Variants in SLC35F1 observed in about 807,000 individuals in gnomAD.
SLC35F1 encodes the protein chromosome 6 open reading frame 169.
A neutral mutation model predicts 48.7 loss-of-function variants in SLC35F1; 14 were observed. The ratio of observed to expected loss-of-function variants is 0.29; its 90% CI spans 0.19 to 0.45. The LOEUF (loss-of-function observed/expected upper bound fraction) is 0.45. Ranked by LOEUF, SLC35F1 falls within the 20% of genes least tolerant of loss-of-function variation. The pLI is 1.00. For synonymous variants in SLC35F1, 190 were observed against 202.2 expected (o/e 0.94, Z 0.51); for missense variants, 404 against 500.0 (o/e 0.81, Z 1.83).
chr6:118,206,290 C>G (rs1370727602), intron 2 of SLC35F1, among the ~76,000 whole-genome samples: 1 of 151,944 alleles, frequency 6.6e-6, no homozygotes, highest in African/African-American at 2.4e-5. Flanking sequence ...TAACTTTTTC[C>G]CTCTTATTAG....
chr6:118,116,655 A>G (rs1185441332), intron 1 of SLC35F1, among the ~76,000 whole-genome samples: 1 of 152,130 alleles, frequency 6.6e-6, no homozygotes, highest in African/African-American at 2.4e-5. Context: ...GAGGAGTTTC[A>G]TTAGGCCCTG....
intron 1 of SLC35F1, among the ~76,000 whole-genome samples, chr6:118,103,955 T>C (rs932631278): frequency 6.6e-6 from 1 of 152,208 alleles, no homozygotes; most frequent in Non-Finnish European, 1.5e-5. Flanking sequence ...TGGCTTCTAG[T>C]AAACTTACAC....
intron 3 of SLC35F1, among the ~76,000 whole-genome samples, chr6:118,261,699 G>C (rs1775714409): frequency 1.3e-5 from 2 of 152,294 alleles, no homozygotes; most frequent in Middle Eastern, 3.4e-3. Context: ...CAGAGAAACA[G>C]AGAAGAGAGT....
chr6:118,261,680 G>A (rs138127167), intron 3 of SLC35F1, among the ~76,000 whole-genome samples: 58 of 152,248 alleles, frequency 3.8e-4, no homozygotes, highest in African/African-American at 1.4e-3. Context: ...GGGTTTTGCA[G>A]GAAAGAGCCA....
intron 1 of SLC35F1, among the ~76,000 whole-genome samples, chr6:118,002,547 A>G: frequency 6.6e-6 from 1 of 151,986 alleles, no homozygotes; most frequent in African/African-American, 2.4e-5. Flanking sequence ...ACATGTATAC[A>G]TATGTAACTA....
Position 118,000,884 on chromosome 6 carries a change from A to G in SLC35F1, c.173+92985A>G, listed in dbSNP as rs375175616. Among the ~76,000 whole-genome samples, 48 of 152,284 alleles carry G rather than the reference A, an allele frequency of 3.2e-4. No homozygotes were observed. The South Asian group carries it at 9.6e-3, about 30-fold the overall frequency. ...AGAGAATAAAATACCTAGGAATCCAACTTACAGGGGACATGAATGACCTCT... is the reference window on the plus strand; with the variant it reads ...AGAGAATAAAATACCTAGGAATCCAGCTTACAGGGGACATGAATGACCTCT... On this transcript the variant is annotated intron_variant, in intron 1 of 7. Coordinates refer to ENST00000360388, the MANE Select transcript of SLC35F1 (RefSeq NM_001029858.4).
intron 2 of SLC35F1, among the ~76,000 whole-genome samples, chr6:118,183,568 A>G (rs992894675): frequency 6.6e-6 from 1 of 152,166 alleles, no homozygotes; most frequent in East Asian, 1.9e-4. Context: ...TGAAATGACA[A>G]CATTAAGAGT....
chr6:117,949,192 A>T (rs1776331020), intron 1 of SLC35F1, among the ~76,000 whole-genome samples: 1 of 152,174 alleles, frequency 6.6e-6, no homozygotes, highest in South Asian at 2.1e-4. Context: ...ATGTTCCTTA[A>T]CTTCACCAAG....
At chr6:118,123,073 G>T (rs1469254826) in intron 1 of SLC35F1, among the ~76,000 whole-genome samples, 1 of 151,542 alleles carries the variant, frequency 6.6e-6, no homozygotes, top group Non-Finnish European at 1.5e-5. Context: ...GTAGTTGGTA[G>T]TTTGAATAGT....
At chr6:118,074,991 A>G (rs1042977150) in intron 1 of SLC35F1, among the ~76,000 whole-genome samples, 1 of 152,134 alleles carries the variant, frequency 6.6e-6, no homozygotes, top group Non-Finnish European at 1.5e-5. Flanking sequence ...TGTGTGCTTC[A>G]ATTTTGCTAC....
chr6:118,033,715 G>A (rs1772086126), intron 1 of SLC35F1, among the ~76,000 whole-genome samples: 1 of 151,812 alleles, frequency 6.6e-6, no homozygotes, highest in African/African-American at 2.4e-5. Context: ...GGTATGGAGT[G>A]CATATTCAGC....
chr6:118,163,976 A>G (rs1402004736), intron 2 of SLC35F1, among the ~76,000 whole-genome samples: 1 of 152,246 alleles, frequency 6.6e-6, no homozygotes, highest in African/African-American at 2.4e-5. Context: ...AGAAAAAATG[A>G]AGCAAACAGT....
At chr6:117,927,991 T>G (rs974765936) in intron 1 of SLC35F1, among the ~76,000 whole-genome samples, 1 of 152,144 alleles carries the variant, frequency 6.6e-6, no homozygotes, top group African/African-American at 2.4e-5. Context: ...AGCAGCTAAT[T>G]TTAGTCAGCA....
intron 1 of SLC35F1, among the ~76,000 whole-genome samples, chr6:117,996,652 G>A (rs1582607342): frequency 1.3e-5 from 2 of 152,308 alleles, no homozygotes; most frequent in African/African-American, 4.8e-5. Flanking sequence ...AGCCACAGCT[G>A]CTGATACCCA....
chr6:118,018,774 T>G (rs1777355705), intron 1 of SLC35F1, among the ~76,000 whole-genome samples: 2 of 152,182 alleles, frequency 1.3e-5, no homozygotes, highest in South Asian at 4.1e-4. Flanking sequence ...TGGGACCAGT[T>G]GCAGTGGTAT....
intron 3 of SLC35F1, among the ~76,000 whole-genome samples, chr6:118,251,059 G>A (rs1305137082): frequency 3.3e-5 from 5 of 152,208 alleles, no homozygotes; most frequent in East Asian, 1.9e-4. Context: ...AGGCCGAGGC[G>A]GGCAGGTCGT....
chr6:117,942,177 G>A (rs184609601), intron 1 of SLC35F1, among the ~76,000 whole-genome samples: 12 of 152,276 alleles, frequency 7.9e-5, no homozygotes, highest in African/African-American at 2.9e-4. Context: ...AGATGATGCA[G>A]CTGGTGGTAG....
intron 2 of SLC35F1, among the ~76,000 whole-genome samples, chr6:118,186,905 G>T (rs528602690): frequency 6.6e-6 from 1 of 152,264 alleles, no homozygotes; most frequent in Non-Finnish European, 1.5e-5. Context: ...AGGGTTTTGG[G>T]TTATCTTCTA....
intron 7 of SLC35F1, among the ~76,000 whole-genome samples, chr6:118,313,089 A>G (rs777024417): frequency 5.3e-5 from 8 of 152,138 alleles, no homozygotes; most frequent in Non-Finnish European, 7.4e-5. Flanking sequence ...CATATTTTTC[A>G]TTTCTCTTTC....
Sources: gnomAD v4.1 joint callset for allele counts (sites outside exome capture counted in the v4.1 genomes callset) on GRCh38, gnomAD v4.1.1 for gene constraint, MANE v1.5 for transcripts, NCBI Gene and HGNC (gene_info 2026-07-23, HGNC 2026-07-21) for gene names.